The following CEMIP variants were observed in gnomAD, a reference collection of about 807,000 sequenced individuals.
CEMIP encodes the protein cell migration inducing hyaluronidase 1.
Under a neutral mutation model 156.9 loss-of-function variants are expected in CEMIP, and 105 were observed. The observed-to-expected ratio is 0.67, with a 90% confidence interval of 0.57 to 0.79. The LOEUF is 0.79. CEMIP is among the 30% of genes least tolerant of loss of function. CEMIP has a pLI of 0.00. For missense variants in CEMIP, 1,457 were observed against 1,769.4 expected, an observed-to-expected ratio of 0.82 and a Z score of 3.17; for synonymous variants, 676 against 668.4, an observed-to-expected ratio of 1.01 and a Z score of -0.17.
At chr15:80,877,746 G>A (rs1189022960) in intron 3 of CEMIP, among the ~76,000 whole-genome samples, 1 of 152,218 alleles carries the variant, frequency 6.6e-6, no homozygotes, top group Non-Finnish European at 1.5e-5. Flanking sequence ...AGAGGTCAGG[G>A]AGAAGTGCCT....
At chr15:80,899,791 G>A (rs1342657478) in intron 12 of CEMIP, among the ~76,000 whole-genome samples, 1 of 152,198 alleles carries the variant, frequency 6.6e-6, no homozygotes, top group Non-Finnish European at 1.5e-5. Context: ...GCCAAGAAAA[G>A]CAAGTTCCTA....
intron 12 of CEMIP, chr15:80,903,136 C>G (rs2141880123): frequency 6.6e-6 from 1 of 152,278 alleles, no homozygotes; most frequent in East Asian, 1.9e-4. Flanking sequence ...TGAGGAAGGT[C>G]CTCTGGCCAC....
chr15:80,908,005 G>GA (rs1232955223), intron 13 of CEMIP, among the ~76,000 whole-genome samples: 1 of 152,150 alleles, frequency 6.6e-6, no homozygotes, highest in Non-Finnish European at 1.5e-5. Flanking sequence ...ATGACTCTTT[G>GA]TCACATAGGC....
chr15:80,838,622 C>G (rs1897318017), intron 1 of CEMIP, among the ~76,000 whole-genome samples: 1 of 152,102 alleles, frequency 6.6e-6, no homozygotes, highest in African/African-American at 2.4e-5. Flanking sequence ...ATCCACCTCA[C>G]TAGTCAGGAG....
At chr15:80,788,226 T>G (rs950196414) in intron 1 of CEMIP, among the ~76,000 whole-genome samples, 1 of 152,052 alleles carries the variant, frequency 6.6e-6, no homozygotes, top group African/African-American at 2.4e-5. Context: ...ATCCCAGCAC[T>G]TTGAGAGGCT....
chr15:80,825,384 T>C (rs901760045), intron 1 of CEMIP, among the ~76,000 whole-genome samples: 1 of 152,168 alleles, frequency 6.6e-6, no homozygotes, highest in Non-Finnish European at 1.5e-5. Flanking sequence ...TAGTAGTGAA[T>C]AGCTGAACCA....
At chr15:80,895,729 T>C (rs1213043434) in intron 11 of CEMIP, 140 bp from the exon 12 acceptor site, 2 of 763,818 alleles carry the variant, frequency 2.6e-6, no homozygotes, top group African/African-American at 1.7e-5. Flanking sequence ...AAGAGTGGGA[T>C]GGAGCAAGCC....
chr15:80,948,470 C>A (rs974195898), intron 29 of CEMIP: 2 of 391,450 alleles, frequency 5.1e-6, no homozygotes, highest in African/African-American at 2.1e-5. Context: ...GTCCTAGGGG[C>A]AGCTCAAAGG....
At chr15:80,938,043 C>G (rs1451337321) in intron 25 of CEMIP, 64 bp downstream of exon 25, 14 of 1,366,866 alleles carry the variant, frequency 1.0e-5, no homozygotes, top group Non-Finnish European at 1.3e-5. Context: ...CTTGGCCTTT[C>G]CAATAAGTCT....
intron 1 of CEMIP, among the ~76,000 whole-genome samples, chr15:80,836,395 GTGTC>G (rs145039618): frequency 0.019 from 2,855 of 152,340 alleles, 79 homozygotes; most frequent in African/African-American, 0.059. Context: ...TGTTTCGCCA[GTGTC>G]TGGCATCCCT....
chr15:80,845,685 C>T (rs1295012259), intron 1 of CEMIP, among the ~76,000 whole-genome samples: 1 of 152,214 alleles, frequency 6.6e-6, no homozygotes, highest in African/African-American at 2.4e-5. Flanking sequence ...TCTGGGACAG[C>T]AGGCATTCCA....
intron 9 of CEMIP, 110 bp from the exon 10 acceptor site, chr15:80,889,361 C>A: frequency 6.8e-7 from 1 of 1,475,166 alleles, no homozygotes; most frequent in Non-Finnish European, 9.5e-7. Context: ...CAACCATGGA[C>A]AGATAATATT....
At chr15:80,790,738 A>G (rs965488194) in intron 1 of CEMIP, among the ~76,000 whole-genome samples, 6 of 152,208 alleles carry the variant, frequency 3.9e-5, no homozygotes, top group African/African-American at 1.2e-4. Context: ...CTCATAGAAC[A>G]GTATTCATAG....
At chr15:80,829,997 T>TGC (rs1371425474) in intron 1 of CEMIP, among the ~76,000 whole-genome samples, 3 of 150,016 alleles carry the variant, frequency 2.0e-5, no homozygotes, top group Admixed American at 2.0e-4. Flanking sequence ...TGTGTGTGTG[T>TGC]GTGTGCGCGC....
intron 1 of CEMIP, among the ~76,000 whole-genome samples, chr15:80,856,498 T>C (rs1356470303): frequency 6.6e-6 from 1 of 152,182 alleles, no homozygotes; most frequent in Non-Finnish European, 1.5e-5. Context: ...TCTTTCAACT[T>C]GGCTGTGTGT....
chr15:80,893,682 C>T (rs184067081), intron 10 of CEMIP, among the ~76,000 whole-genome samples: 1 of 152,222 alleles, frequency 6.6e-6, no homozygotes, highest in African/African-American at 2.4e-5. Flanking sequence ...CTGGCTGCTG[C>T]AGAGACCACC....
chr15:80,793,742 A>G (rs1467540186), intron 1 of CEMIP, among the ~76,000 whole-genome samples: 1 of 152,174 alleles, frequency 6.6e-6, no homozygotes, highest in East Asian at 1.9e-4. Flanking sequence ...AGTGTATAGT[A>G]TCTCCCAGAC....
intron 29 of CEMIP, 87 bp downstream of exon 29, chr15:80,947,152 G>C: frequency 1.2e-6 from 1 of 831,160 alleles, no homozygotes; most frequent in Middle Eastern, 2.2e-4. Flanking sequence ...CTTTTGCTGA[G>C]TTGAGAACAT....
intron 1 of CEMIP, among the ~76,000 whole-genome samples, chr15:80,868,862 T>C (rs553992916): frequency 2.0e-5 from 3 of 152,230 alleles, no homozygotes; most frequent in Non-Finnish European, 4.4e-5. Flanking sequence ...CTTCAATTAT[T>C]ACTATTATCA....
Sources: gnomAD v4.1 joint callset for allele counts (sites outside exome capture counted in the v4.1 genomes callset) on GRCh38, gnomAD v4.1.1 for gene constraint, MANE v1.5 for transcripts, NCBI Gene and HGNC (gene_info 2026-07-23, HGNC 2026-07-21) for gene names.